The following ENO3 variants were observed in gnomAD, a reference collection of about 807,000 sequenced individuals.
ENO3 encodes enolase 3.
ENO3 carries 46 observed loss-of-function variants against 47.7 expected under a neutral mutation model. The ratio of observed to expected loss-of-function variants is 0.96; its 90% CI spans 0.76 to 1.23. The LOEUF (loss-of-function observed/expected upper bound fraction) is 1.23. ENO3 is among the 50% of genes most tolerant of loss of function. The pLI is 0.00. For synonymous variants in ENO3, 223 were observed against 225.9 expected, an observed-to-expected ratio of 0.99 and a Z score of 0.11; for missense variants, 575 against 566.2, an observed-to-expected ratio of 1.02 and a Z score of -0.16.
chr17:4,949,420 C>G (rs1464795172), upstream of ENO3: 1 of 152,400 alleles, frequency 6.6e-6, no homozygotes, highest in Non-Finnish European at 1.5e-5. Flanking sequence ...GATCACCGGC[C>G]GTGCCCCTTG....
rs151153333 is a variant in ENO3 at position 4,952,789 on chromosome 17, TC to T, written c.86-3del. The T allele has an allele frequency of 0.1, 162,665 of 1,605,458 alleles. 9,299 individuals carry two copies. Among genetic ancestry groups the T allele is most frequent in the Non-Finnish European group, 0.12 (140,150 of 1,175,104 alleles). ...CCCTGTGATCTTCCAATTCCTCCTG[TC>T]CCAGGCCGATTCCGAGCAGCTGTGC... is the stretch of plus-strand genomic sequence containing the variant. On this transcript the variant is annotated splice_polypyrimidine_tract_variant and splice_region_variant and intron_variant, in intron 2 of 11. Coordinates refer to ENST00000519602, the MANE Select transcript of ENO3 (RefSeq NM_053013.4).
chr17:4,952,112 C>T, intron 2 of ENO3, 198 bp downstream of exon 2: 1 of 689,634 alleles, frequency 1.5e-6, no homozygotes, highest in Non-Finnish European at 2.6e-6. Flanking sequence ...GCCTCCTGTC[C>T]CTGAGCTCAG....
At chr17:4,952,947 A>G in intron 3 of ENO3, 57 bp downstream of exon 3, 1 of 1,610,572 alleles carries the variant, frequency 6.2e-7, no homozygotes, top group South Asian at 1.1e-5. Flanking sequence ...ACATGGGTGC[A>G]CAATGGGTAG....
chr17:4,956,409 G>A (rs894920618), intron 9 of ENO3, 164 bp from the exon 10 acceptor site: 52 of 791,636 alleles, frequency 6.6e-5, no homozygotes, highest in African/African-American at 5.8e-4. Context: ...TCAAGAGCCC[G>A]AAATCAAGAT....
chr17:4,953,917 C>T (rs1971638107), intron 6 of ENO3, 72 bp downstream of exon 6: 1 of 1,610,542 alleles, frequency 6.2e-7, no homozygotes, highest in Non-Finnish European at 8.5e-7. Flanking sequence ...GGGTTGGCCC[C>T]CCTGGAAAAT....
intron 6 of ENO3, 21 bp from the exon 7 acceptor site, chr17:4,955,054 G>T: frequency 6.3e-7 from 1 of 1,575,358 alleles, no homozygotes; most frequent in South Asian, 1.1e-5. Flanking sequence ...CCCAGGTCCA[G>T]ACACCCTCTC....
upstream of ENO3, among the ~76,000 whole-genome samples, chr17:4,949,953 G>C (rs1002198573): frequency 6.6e-6 from 1 of 152,004 alleles, no homozygotes; most frequent in East Asian, 1.9e-4. Context: ...CCTACCCCAG[G>C]GTGGAAAAAT....
At chr17:4,952,769 T>C in intron 2 of ENO3, 26 bp from the exon 3 acceptor site, 1 of 1,594,416 alleles carries the variant, frequency 6.3e-7, no homozygotes, top group Non-Finnish European at 8.6e-7. Context: ...GCCATCCCTG[T>C]GATCTTCCAA....
chr17:4,954,869 C>G (rs1483846699), intron 6 of ENO3, among the ~76,000 whole-genome samples: 1 of 150,314 alleles, frequency 6.7e-6, no homozygotes, highest in Non-Finnish European at 1.5e-5. Context: ...TGCACTCCAG[C>G]CTGGTGACAA....
In ENO3 at chr17:4,952,788, G is replaced by A; in HGVS notation, c.86-7G>A. The A allele has an allele frequency of 6.2e-7, 1 of 1,603,924 alleles. No homozygotes were observed. Among genetic ancestry groups the A allele is most frequent in the Non-Finnish European group, 8.5e-7 (1 of 1,173,984 alleles). On this transcript the variant is annotated splice_region_variant and splice_polypyrimidine_tract_variant and intron_variant, in intron 2 of 11. Transcript: ENST00000519602. ...TCCCTGTGATCTTCCAATTCCTCCT[G>A]TCCCAGGCCGATTCCGAGCAGCTGT... is the stretch of plus-strand genomic sequence containing the variant.
At chr17:4,953,000 G>A in intron 3 of ENO3, 51 bp from the exon 4 acceptor site, 1 of 1,613,164 alleles carries the variant, frequency 6.2e-7, no homozygotes, top group Non-Finnish European at 8.5e-7. Flanking sequence ...GGGGTCCACA[G>A]AAAGGGGCCC....
chr17:4,950,688 G>A, upstream of ENO3: 1 of 984,340 alleles, frequency 1.0e-6, no homozygotes, highest in South Asian at 4.7e-5. Context: ...ACTGAGGACA[G>A]AGGCCCGCCC....
At chr17:4,952,208 G>T in intron 2 of ENO3, 2 of 462,938 alleles carry the variant, frequency 4.3e-6, no homozygotes, top group East Asian at 5.1e-5. Context: ...ATGGAGTCTC[G>T]CTCTGTGGCC....
chr17:4,949,592 C>T (rs115138905), upstream of ENO3, among the ~76,000 whole-genome samples: 1,646 of 151,772 alleles, frequency 0.011, 36 homozygotes, highest in African/African-American at 0.038. Context: ...GTCAGATGTG[C>T]GCTCACAGCC....
At position 4,953,784 on chromosome 17, in the gene ENO3, T is replaced by A. The variant is rs777476427; in HGVS notation, c.383T>A (p.Val128Asp). Residue 128 changes from valine to aspartate, a missense_variant, in exon 6 of 12, where the codon GTC becomes GAC. Physicochemically the swap from Val to Asp is radical, Grantham distance 152. Transcript: ENST00000519602. The stretch of plus-strand genomic sequence containing the variant: ...AAGGCGGGAGCAGCTGAGAAGGGGG[T>A]CCCCCTGTACCGCCACATCGCAGAT... ...VCKAGAAEKG[V>D]PLYRHIADLA... 43 of 1,613,526 alleles carry A rather than the reference T, an allele frequency of 2.7e-5. No individual in the cohort carries two copies. The highest frequency in any genetic ancestry group is 3.4e-5 in the Non-Finnish European group (40 of 1,179,854).
At position 4,957,058 on chromosome 17, in the gene ENO3, G is replaced by C. The variant is rs572572078; in HGVS notation, c.*11G>C. On this transcript the variant is annotated 3_prime_UTR_variant, in exon 12 of 12. Transcript: ENST00000519602. ...CCGAAGGCCAAGTGAGAAGCTGGAG[G>C]CTCCAGGACTCCACTGGACAGACCC... 1 of 1,613,952 alleles carries C rather than the reference G, an allele frequency of 6.2e-7. No homozygotes were observed. Among genetic ancestry groups the C allele is most frequent in the African/African-American group, 1.3e-5 (1 of 75,020 alleles).
At chr17:4,949,680 G>A (rs1971484891), upstream of ENO3, among the ~76,000 whole-genome samples, 2 of 152,194 alleles carry the variant, frequency 1.3e-5, 1 homozygote, top group South Asian at 4.1e-4. Flanking sequence ...GCCGCCGAGG[G>A]CTGGGCGGCT....
At chr17:4,955,000 CAACA>C in intron 6 of ENO3, 71 bp from the exon 7 acceptor site, 1 of 1,429,272 alleles carries the variant, frequency 7.0e-7, no homozygotes, top group Non-Finnish European at 9.6e-7. Flanking sequence ...GTTTCCACCC[CAACA>C]CCCCCCGCCC....
At chr17:4,948,891 A>G (rs1971465428), upstream of ENO3, 1 of 153,214 alleles carries the variant, frequency 6.5e-6, no homozygotes, top group Admixed American at 6.5e-5. Context: ...TTAGCAAATT[A>G]AGGAGAGTTC....
Sources: allele counts gnomAD v4.1 joint callset (sites outside exome capture counted in the v4.1 genomes callset), GRCh38; gene constraint gnomAD v4.1.1; transcripts MANE v1.5; gene names NCBI Gene and HGNC (gene_info 2026-07-23, HGNC 2026-07-21).